The following ZNF527 variants were observed in gnomAD, a reference collection of about 807,000 sequenced individuals.
The protein encoded by ZNF527 is zinc finger protein 527.
Under a neutral mutation model 13.5 loss-of-function variants are expected in ZNF527, and 5 were observed. The ratio of observed to expected loss-of-function variants is 0.37; its 90% confidence interval spans 0.19 to 0.78. The LOEUF (loss-of-function observed/expected upper bound fraction) is 0.78. Among genes scored for constraint, ZNF527 ranks in the 30% least tolerant of loss-of-function variants. The probability of loss-of-function intolerance (pLI) is 0.48; values close to 1 mark genes in which losing one functional copy is unlikely to be tolerated. For missense variants in ZNF527, 628 were observed against 726.4 expected (o/e 0.86, Z 1.56); for synonymous variants, 209 against 243.1 (o/e 0.86, Z 1.30).
intron 1 of ZNF527, among the ~76,000 whole-genome samples, 198 bp downstream of exon 1, chr19:37,371,424 C>T (rs1019298379): frequency 2.0e-5 from 3 of 152,030 alleles, no homozygotes; most frequent in Admixed American, 6.6e-5. Flanking sequence ...TGTGCGCGTG[C>T]GCCCGCTTGT....
At chr19:37,378,861 T>G (rs567120162) in intron 2 of ZNF527, among the ~76,000 whole-genome samples, 1 of 152,352 alleles carries the variant, frequency 6.6e-6, no homozygotes, top group East Asian at 1.9e-4. Context: ...ACATACAACT[T>G]AGTCTTTGCT....
At chr19:37,374,369 A>G in intron 2 of ZNF527, 138 bp downstream of exon 2, 1 of 768,854 alleles carries the variant, frequency 1.3e-6, no homozygotes, top group East Asian at 2.6e-5. Flanking sequence ...TAATCCTTCT[A>G]CAAAACATTT....
chr19:37,389,023 T>C lies in ZNF527; in HGVS notation c.974T>C (p.Ile325Thr), dbSNP rs371203379. The C allele has an allele frequency of 9.9e-6, 16 of 1,614,068 alleles. No homozygotes were observed. Among genetic ancestry groups the C allele is most frequent in the Middle Eastern group, 1.6e-4 (1 of 6,084 alleles). Residue 325 changes from isoleucine (I) to threonine (T), a missense_variant, in exon 5 of 5, where the codon ATT becomes ACT. Ile to Thr is a moderately conservative substitution (Grantham distance 89). This residue lies in a region of ZNF527 where 592 missense variants were observed against 678.0 expected (regional missense o/e 0.87). Coordinates refer to ENST00000436120, the MANE Select transcript of ZNF527 (RefSeq NM_032453.2). Reference protein sequence around the residue: ...FFLSEHQRTHIGEKPYECKEC... With the variant: ...FFLSEHQRTHTGEKPYECKEC... ...CTCAGTGAACATCAAAGAACTCATA[T>C]TGGGGAGAAACCTTATGAATGTAAG...
chr19:37,373,833 G>T (rs1294977034), intron 1 of ZNF527, among the ~76,000 whole-genome samples: 6 of 152,182 alleles, frequency 3.9e-5, no homozygotes, highest in African/African-American at 1.4e-4. Context: ...AGGAAGACAT[G>T]TGCCTGGAGT....
intron 3 of ZNF527, 21 bp from the exon 4 acceptor site, chr19:37,380,256 T>C (rs1461340804): frequency 6.2e-7 from 1 of 1,612,388 alleles, no homozygotes; most frequent in Non-Finnish European, 8.5e-7. Flanking sequence ...CTTGCTCTCA[T>C]TTTTCTTCCC....
intron 4 of ZNF527, among the ~76,000 whole-genome samples, chr19:37,382,581 T>C (rs1169824357): frequency 6.6e-6 from 1 of 152,248 alleles, no homozygotes; most frequent in African/African-American, 2.4e-5. Context: ...TCTAACTTAC[T>C]TCTCTGTGAG....
rs2146828464 is a variant in ZNF527, at chr19:37,390,728, C to T, written c.*849C>T. On this transcript the variant is annotated 3_prime_UTR_variant, in exon 5 of 5. Transcript: ENST00000436120. ...TCCTGACAGCTACACCATCACCATCCTTTTTCATTTTTTGTGATCCAATAA... is the reference window on the plus strand; with the variant it reads ...TCCTGACAGCTACACCATCACCATCTTTTTTCATTTTTTGTGATCCAATAA... The T allele has an allele frequency of 6.6e-6, 1 of 152,238 alleles. No homozygotes were observed. Among genetic ancestry groups the T allele is most frequent in the South Asian group, 2.1e-4 (1 of 4,824 alleles). 9.4% of individuals were successfully genotyped at this position (152,238 alleles called of 1,614,324 possible).
At chr19:37,380,781 T>C (rs1419205043) in intron 4 of ZNF527, among the ~76,000 whole-genome samples, 1 of 152,176 alleles carries the variant, frequency 6.6e-6, no homozygotes, top group Non-Finnish European at 1.5e-5. Flanking sequence ...AAAAAGCCTA[T>C]ACAAGGCTTT....
intron 2 of ZNF527, among the ~76,000 whole-genome samples, chr19:37,377,462 T>C (rs540148059): frequency 6.6e-6 from 1 of 152,212 alleles, no homozygotes; most frequent in East Asian, 1.9e-4. Flanking sequence ...AGAGTGAATT[T>C]ATTAGGGAAG....
chr19:37,389,612 A>G lies in ZNF527; in HGVS notation c.1563A>G (p.Ala521=). 2 of 1,614,086 alleles carry G rather than the reference A, an allele frequency of 1.2e-6. No individual in the cohort carries two copies. The highest frequency in any genetic ancestry group is 1.7e-6 in the Non-Finnish European group (2 of 1,180,016). ...TAATTCACCATAAGAGAAGTCATGC[A>G]GGAGAGAAACCCTATGAATGTAACA... ...LVLIHHKRSH[A]GEKPYECNKC... The change falls in exon 5 of 5, where the codon GCA becomes GCG. Residue 521 remains alanine, a synonymous_variant. Coordinates refer to ENST00000436120, the MANE Select transcript of ZNF527 (RefSeq NM_032453.2).
chr19:37,377,703 CTGGGTGG>C (rs2040619456), intron 2 of ZNF527, among the ~76,000 whole-genome samples: 1 of 152,130 alleles, frequency 6.6e-6, no homozygotes, highest in Non-Finnish European at 1.5e-5. Context: ...AGACAGAGAG[CTGGGTGG>C]AGGGGCCCCT....
chr19:37,389,630 A>C lies in ZNF527; in HGVS notation c.1581A>C (p.Glu527Asp). ...GTCATGCAGGAGAGAAACCCTATGA[A>C]TGTAACAAATGTGGAAAGGCCTTCA... ...KRSHAGEKPY[E>D]CNKCGKAFSC... The change falls in exon 5 of 5, where the codon GAA (glutamate) becomes GAC (aspartate). Residue 527 changes from glutamate to aspartate, a missense_variant. This residue lies in a region of ZNF527 where 592 missense variants were observed against 678.0 expected (regional missense o/e 0.87). Coordinates refer to ENST00000436120, the MANE Select transcript of ZNF527 (RefSeq NM_032453.2). The C allele has an allele frequency of 6.2e-7, 1 of 1,614,160 alleles. No individual in the cohort carries two copies. The highest frequency in any genetic ancestry group is 8.5e-7 in the Non-Finnish European group (1 of 1,180,032).
intron 1 of ZNF527, among the ~76,000 whole-genome samples, chr19:37,372,467 CTTTT>C (rs1022024971): frequency 1.8e-3 from 116 of 65,626 alleles, no homozygotes; most frequent in African/African-American, 5.5e-3. Flanking sequence ...CTTTTCTTTT[CTTTT>C]TTTTTTTTTT....
chr19:37,387,436 G>A (rs1466575674), intron 4 of ZNF527, among the ~76,000 whole-genome samples: 2 of 152,054 alleles, frequency 1.3e-5, no homozygotes, highest in East Asian at 3.9e-4. Context: ...ACCTGCACAG[G>A]CTTGAGCTCT....
In ZNF527 at chr19:37,383,166, G is replaced by A. The variant is rs569131567; in HGVS notation, c.256+2794G>A. Among the ~76,000 whole-genome samples the A allele has an allele frequency of 1.2e-4, 18 of 152,240 alleles. No individual in the cohort carries two copies. The South Asian group carries it at 3.7e-3, about 32-fold the overall frequency. On this transcript the variant is annotated intron_variant, in intron 4 of 4. Transcript: ENST00000436120. ...TCAGAAGTAAAAAGTAGGCCTTACA[G>A]AGCTAAAATCAAGATGTCAGCAGCC... is the stretch of plus-strand genomic sequence containing the variant.
At chr19:37,384,039 G>A (rs1337879508) in intron 4 of ZNF527, among the ~76,000 whole-genome samples, 1 of 151,874 alleles carries the variant, frequency 6.6e-6, no homozygotes, top group East Asian at 1.9e-4. Context: ...GCACTTTCAG[G>A]CTGGGTGTGG....
At position 37,379,102 on chromosome 19, in the gene ZNF527, A is replaced by G; in HGVS notation, c.34-18A>G. On this transcript the variant is annotated intron_variant, in intron 2 of 4. Transcript: ENST00000436120. ...TAGGTGTCTGGGCACCTGGTGAACA[A>G]GAATTTTTTTATTTCAGGGGTTGGT... is the stretch of plus-strand genomic sequence containing the variant. The G allele has an allele frequency of 6.2e-7, 1 of 1,614,072 alleles. No homozygotes were observed. Among genetic ancestry groups the G allele is most frequent in the Non-Finnish European group, 8.5e-7 (1 of 1,179,984 alleles).
chr19:37,377,725 G>A (rs1449210361), intron 2 of ZNF527, among the ~76,000 whole-genome samples: 1 of 152,122 alleles, frequency 6.6e-6, no homozygotes, highest in Admixed American at 6.5e-5. Flanking sequence ...GCCCCTGACA[G>A]GTGCTCTGAA....
At position 37,389,850 on chromosome 19, in the gene ZNF527, C is replaced by G; in HGVS notation, c.1801C>G (p.Gln601Glu). Reference protein sequence around the residue: ...FSCVSALRRHQRIHNRETL With the variant: ...FSCVSALRRHERIHNRETL ...CTGTGTCTCAGCCCTTAGACGACAT[C>G]AGAGAATTCATAATAGAGAAACGCT... is the stretch of plus-strand genomic sequence containing the variant. Residue 601 changes from glutamine to glutamate, a missense_variant, in exon 5 of 5, where the codon CAG becomes GAG. Around this residue, in one of 3 missense-constraint regions of ZNF527, gnomAD observed 592 missense variants for 678.0 expected, o/e 0.87. Coordinates refer to ENST00000436120, the MANE Select transcript of ZNF527 (RefSeq NM_032453.2). The G allele has an allele frequency of 6.2e-7, 1 of 1,605,058 alleles. No homozygotes were observed. The highest frequency in any genetic ancestry group is 8.5e-7 in the Non-Finnish European group (1 of 1,177,286).
Sources: gnomAD v4.1 joint callset for allele counts (sites outside exome capture counted in the v4.1 genomes callset) on GRCh38, gnomAD v4.1.1 for gene constraint, gnomAD v4.1.1 regional missense constraint, MANE v1.5 for transcripts, NCBI Gene and HGNC (gene_info 2026-07-23, HGNC 2026-07-21) for gene names.